The following ARHGAP10 variants were observed in gnomAD, a reference collection of about 807,000 sequenced individuals.
ARHGAP10 encodes the protein rho GTPase-activating protein 10.
A neutral mutation model predicts 108.6 loss-of-function variants in ARHGAP10; 87 were observed. The observed-to-expected ratio is 0.80, with a 90% CI of 0.67 to 0.96. ARHGAP10 has a LOEUF of 0.96. Ranked by LOEUF, ARHGAP10 falls within the 40% of genes least tolerant of loss-of-function variation. The pLI, the probability that ARHGAP10 is intolerant of heterozygous loss-of-function variation, is 0.00. For synonymous variants in ARHGAP10, 347 were observed against 341.1 expected (o/e 1.02, Z -0.19); for missense variants, 939 against 954.5 (o/e 0.98, Z 0.21).
At chr4:147,739,783 T>C (rs1284889139) in intron 1 of ARHGAP10, among the ~76,000 whole-genome samples, 6 of 151,656 alleles carry the variant, frequency 4.0e-5, no homozygotes, top group Admixed American at 2.0e-4. Context: ...TTGCCCAGGC[T>C]GGAGTGCAAT....
intron 13 of ARHGAP10, among the ~76,000 whole-genome samples, chr4:147,923,027 T>G (rs901052496): frequency 1.3e-5 from 2 of 152,224 alleles, no homozygotes; most frequent in African/African-American, 2.4e-5. Flanking sequence ...AGCATTTGCT[T>G]TTTGCTTCAG....
Position 147,879,280 on chromosome 4 carries a change from G to T in ARHGAP10, c.881G>T (p.Arg294Leu). Residue 294 changes from arginine (R) to leucine (L), a missense_variant, in exon 9 of 23, where the codon CGA becomes CTA. Arg to Leu is a moderately radical substitution (Grantham distance 102, BLOSUM62 -2). Transcript: ENST00000336498. The stretch of plus-strand genomic sequence containing the variant: ...TGGGTCAAACACTATTGCATGTATC[G>T]AAAAGCAGCAAAGAAGTTCAACATG... Reference protein sequence around the residue: ...SSWVKHYCMYRKAAKKFNMIP... With the variant: ...SSWVKHYCMYLKAAKKFNMIP... 6.2e-7 allele frequency: 1 copy of T among 1,614,040 alleles called. No homozygotes were observed. Among genetic ancestry groups the T allele is most frequent in the South Asian group, 1.1e-5 (1 of 91,078 alleles).
chr4:147,928,203 A>G (rs1366966758), intron 13 of ARHGAP10, among the ~76,000 whole-genome samples: 2 of 152,226 alleles, frequency 1.3e-5, no homozygotes, highest in African/African-American at 4.8e-5. Flanking sequence ...GTATCTTTAG[A>G]AGCCTAAAAT....
intron 3 of ARHGAP10, among the ~76,000 whole-genome samples, chr4:147,845,499 A>C (rs2126815504): frequency 6.6e-6 from 1 of 152,152 alleles, no homozygotes; most frequent in Non-Finnish European, 1.5e-5. Flanking sequence ...TTGGAGAAGC[A>C]CCTCTTTGGT....
At chr4:147,967,350 CAA>C (rs1197155175) in intron 18 of ARHGAP10, among the ~76,000 whole-genome samples, 11 of 152,186 alleles carry the variant, frequency 7.2e-5, no homozygotes, top group Admixed American at 5.9e-4. Flanking sequence ...GCCTGCCTTG[CAA>C]AGAGTCTTTC....
chr4:148,009,505 TTTC>T (rs1458361120), intron 18 of ARHGAP10, among the ~76,000 whole-genome samples: 5 of 152,248 alleles, frequency 3.3e-5, no homozygotes, highest in African/African-American at 1.2e-4. Flanking sequence ...CTAGGCTATA[TTTC>T]TTCATTTTAT....
chr4:147,928,651 T>C (rs1221401320), intron 13 of ARHGAP10, among the ~76,000 whole-genome samples: 1 of 152,224 alleles, frequency 6.6e-6, no homozygotes, highest in Non-Finnish European at 1.5e-5. Flanking sequence ...ACAAATGTTA[T>C]TGGTGAGCAG....
intron 13 of ARHGAP10, among the ~76,000 whole-genome samples, chr4:147,939,405 G>A (rs2358181): frequency 0.75 from 113,337 of 152,116 alleles, 46,599 homozygotes; most frequent in Non-Finnish European, 0.93. Context: ...ATGGTTTTCA[G>A]AAATCATCCA....
chr4:147,907,950 C>T (rs1039866626), intron 11 of ARHGAP10, among the ~76,000 whole-genome samples: 1 of 152,144 alleles, frequency 6.6e-6, no homozygotes, highest in Non-Finnish European at 1.5e-5. Context: ...TTAAGTGATT[C>T]TCCTGCTTCA....
At chr4:148,023,888 G>A (rs1347094696) in intron 19 of ARHGAP10, among the ~76,000 whole-genome samples, 2 of 152,230 alleles carry the variant, frequency 1.3e-5, no homozygotes, top group African/African-American at 2.4e-5. Context: ...TCTTATGGCA[G>A]GGGTGGCAGG....
At chr4:147,967,892 AT>A (rs1010319216) in intron 18 of ARHGAP10, among the ~76,000 whole-genome samples, 1 of 152,124 alleles carries the variant, frequency 6.6e-6, no homozygotes, top group Non-Finnish European at 1.5e-5. Flanking sequence ...CCCAAGAATT[AT>A]GATAAGTAGC....
chr4:147,802,329 A>G (rs1378613905), intron 1 of ARHGAP10, among the ~76,000 whole-genome samples: 1 of 152,240 alleles, frequency 6.6e-6, no homozygotes, highest in Non-Finnish European at 1.5e-5. Context: ...TTCAGAAGTT[A>G]GGGTGAAGCT....
Position 148,064,504 on chromosome 4 carries a change from G to A in ARHGAP10, c.2269G>A (p.Asp757Asn). Residue 757 changes from aspartate (D) to asparagine (N), a missense_variant, in exon 22 of 23, where the codon GAT (aspartate) becomes AAT (asparagine). Transcript: ENST00000336498. ...TTTTGAAATAGGAGCAATTTTTGAG[G>A]ATGGTAAGTGTTAGTGGGAGCTTCG... ...LSFEIGAIFE[D>N]VQTSREPGWL... is the part of the protein sequence containing the mutation. 2 of 1,613,950 alleles carry A rather than the reference G, an allele frequency of 1.2e-6. No homozygotes were observed. Among genetic ancestry groups the A allele is most frequent in the Non-Finnish European group, 1.7e-6 (2 of 1,179,786 alleles).
intron 1 of ARHGAP10, among the ~76,000 whole-genome samples, chr4:147,740,324 A>C (rs768821911): frequency 6.6e-6 from 1 of 152,186 alleles, no homozygotes; most frequent in Non-Finnish European, 1.5e-5. Flanking sequence ...GCTTGTCTAA[A>C]TCACAATTTG....
At chr4:147,855,872 T>C (rs1378617670) in intron 4 of ARHGAP10, among the ~76,000 whole-genome samples, 1 of 152,056 alleles carries the variant, frequency 6.6e-6, no homozygotes, top group East Asian at 1.9e-4. Context: ...TGTGGTCCCA[T>C]GTGGTGAAAA....
At chr4:147,902,327 C>A (rs1432730212) in intron 10 of ARHGAP10, among the ~76,000 whole-genome samples, 2 of 152,240 alleles carry the variant, frequency 1.3e-5, no homozygotes, top group Admixed American at 1.3e-4. Flanking sequence ...TGTTCCCCTA[C>A]TAAAAACCTT....
At chr4:148,040,618 A>G (rs560008790) in intron 19 of ARHGAP10, among the ~76,000 whole-genome samples, 5 of 152,220 alleles carry the variant, frequency 3.3e-5, no homozygotes, top group African/African-American at 1.2e-4. Flanking sequence ...CTGGGATTAC[A>G]GACATGAGCT....
chr4:147,984,339 G>A (rs922520298), intron 18 of ARHGAP10, among the ~76,000 whole-genome samples: 6 of 152,260 alleles, frequency 3.9e-5, no homozygotes, highest in Non-Finnish European at 7.3e-5. Flanking sequence ...GGCCCCAGCA[G>A]GAGGACGCAC....
intron 16 of ARHGAP10, 92 bp from the exon 17 acceptor site, chr4:147,964,931 TG>T: frequency 1.2e-6 from 1 of 839,614 alleles, no homozygotes. Flanking sequence ...CTGTTGTCAT[TG>T]TCTTGGGAAA....
Sources: allele counts gnomAD v4.1 joint callset (sites outside exome capture counted in the v4.1 genomes callset), GRCh38; gene constraint gnomAD v4.1.1; transcripts MANE v1.5; gene names NCBI Gene and HGNC (gene_info 2026-07-23, HGNC 2026-07-21).